Variants in RFX3 observed in about 807,000 individuals in gnomAD.
RFX3 encodes regulatory factor X3, also known as transcription factor RFX3.
Under a neutral mutation model 98.6 loss-of-function variants are expected in RFX3, and 14 were observed. That is an observed-to-expected ratio of 0.14 (90% CI 0.09 to 0.22). The LOEUF (loss-of-function observed/expected upper bound fraction) is 0.22. Among genes scored for constraint, RFX3 ranks in the 10% least tolerant of loss-of-function variants. The pLI is 1.00. For synonymous variants in RFX3, 383 were observed against 328.4 expected, an observed-to-expected ratio of 1.17 and a Z score of -1.80; for missense variants, 639 against 926.9, an observed-to-expected ratio of 0.69 and a Z score of 4.03.
chr9:3,502,215 C>G (rs1037550137), intron 1 of RFX3, among the ~76,000 whole-genome samples: 1 of 151,148 alleles, frequency 6.6e-6, no homozygotes, highest in Non-Finnish European at 1.5e-5. Flanking sequence ...GCCCACATCA[C>G]GCACTGCACT....
At chr9:3,237,666 T>A (rs767126548) in intron 15 of RFX3, among the ~76,000 whole-genome samples, 2 of 152,180 alleles carry the variant, frequency 1.3e-5, no homozygotes, top group Non-Finnish European at 2.9e-5. Flanking sequence ...CCTAAATTAA[T>A]CTTCACAAAA....
intron 1 of RFX3, among the ~76,000 whole-genome samples, chr9:3,504,914 A>C (rs1456148969): frequency 5.8e-5 from 4 of 68,930 alleles, no homozygotes; most frequent in African/African-American, 3.2e-4. Flanking sequence ...ATATATATAT[A>C]ATATAACATA....
At chr9:3,329,676 AG>A in intron 4 of RFX3, among the ~76,000 whole-genome samples, 1 of 152,286 alleles carries the variant, frequency 6.6e-6, no homozygotes, top group African/African-American at 2.4e-5. Context: ...AATATGTATT[AG>A]GAAAAAATTA....
intron 4 of RFX3, 125 bp from the exon 5 acceptor site, chr9:3,301,745 C>T: frequency 1.7e-6 from 1 of 586,886 alleles, no homozygotes; most frequent in Non-Finnish European, 3.0e-6. Flanking sequence ...GAACAGTTGC[C>T]ACTTAATGTG....
At chr9:3,425,650 T>C (rs1193052770) in intron 1 of RFX3, among the ~76,000 whole-genome samples, 4 of 152,224 alleles carry the variant, frequency 2.6e-5, no homozygotes, top group African/African-American at 7.2e-5. Context: ...GCTTGGGGTT[T>C]ACTGAACTTA....
chr9:3,294,423 T>C (rs1442020504), intron 5 of RFX3, among the ~76,000 whole-genome samples: 1 of 152,122 alleles, frequency 6.6e-6, no homozygotes, highest in Non-Finnish European at 1.5e-5. Context: ...GCACCAACCA[T>C]GAGCCAAGTA....
intron 2 of RFX3, among the ~76,000 whole-genome samples, chr9:3,369,995 ATTTTTTTTTTTT>A (rs71324244): frequency 7.5e-6 from 1 of 132,642 alleles, no homozygotes; most frequent in Non-Finnish European, 1.6e-5. Context: ...CGCCCGGCTA[ATTTTTTTTTTTT>A]TTTTTTTGTA....
intron 1 of RFX3, among the ~76,000 whole-genome samples, chr9:3,512,719 A>C (rs1176035345): frequency 1.3e-5 from 2 of 152,114 alleles, no homozygotes; most frequent in African/African-American, 4.8e-5. Context: ...AAAGAGGCTA[A>C]GTACAATCTT....
intron 13 of RFX3, among the ~76,000 whole-genome samples, chr9:3,258,212 T>C (rs981613966): frequency 6.6e-6 from 1 of 152,162 alleles, no homozygotes; most frequent in African/African-American, 2.4e-5. Context: ...GCTGGGTTCA[T>C]TGTGTCCAGA....
At chr9:3,330,216 C>A in intron 4 of RFX3, 43 bp downstream of exon 4, 3 of 1,600,462 alleles carry the variant, frequency 1.9e-6, no homozygotes, top group South Asian at 2.2e-5. Context: ...TCATTAGAGA[C>A]TATTAAAAGC....
In RFX3 at chr9:3,316,311, G is replaced by A. The variant is rs548339338; in HGVS notation, c.474+13948C>T. Among the ~76,000 whole-genome samples, 4 of 152,218 alleles carry A rather than the reference G, an allele frequency of 2.6e-5. No individual in the cohort carries two copies. The East Asian group carries it at 7.7e-4, about 29-fold the overall frequency. ...CTCAATAGATGCAGAAAACGCCTTT[G>A]ACAAAATTCAATGGCCCTTCATGCT... On this transcript the variant is annotated intron_variant, in intron 4 of 16. Transcript: ENST00000617270.
At chr9:3,289,281 T>A (rs1187225262) in intron 6 of RFX3, among the ~76,000 whole-genome samples, 1 of 152,052 alleles carries the variant, frequency 6.6e-6, no homozygotes, top group Non-Finnish European at 1.5e-5. Context: ...TTATATATAT[T>A]TGAAGACATT....
chr9:3,412,203 C>A (rs1842518970), intron 1 of RFX3, among the ~76,000 whole-genome samples: 2 of 152,114 alleles, frequency 1.3e-5, no homozygotes, highest in African/African-American at 4.8e-5. Context: ...TAAAGGTCAA[C>A]ACTAATCATG....
intron 1 of RFX3, among the ~76,000 whole-genome samples, chr9:3,410,702 C>G (rs1428857628): frequency 6.6e-6 from 1 of 152,226 alleles, no homozygotes; most frequent in Non-Finnish European, 1.5e-5. Context: ...GGCAGGTTTA[C>G]AAGCTTTCCA....
At chr9:3,446,727 A>G (rs1846088129) in intron 1 of RFX3, among the ~76,000 whole-genome samples, 1 of 152,136 alleles carries the variant, frequency 6.6e-6, no homozygotes, top group Non-Finnish European at 1.5e-5. Flanking sequence ...GTTTCCTAAA[A>G]TCAATCTTAA....
chr9:3,238,788 C>T (rs1586690399), intron 15 of RFX3, among the ~76,000 whole-genome samples: 1 of 152,022 alleles, frequency 6.6e-6, no homozygotes, highest in Admixed American at 6.6e-5. Flanking sequence ...GGGAGTTTGA[C>T]ACCAGCCTGA....
chr9:3,442,587 A>T (rs2132708048), intron 1 of RFX3, among the ~76,000 whole-genome samples: 1 of 152,322 alleles, frequency 6.6e-6, no homozygotes, highest in African/African-American at 2.4e-5. Flanking sequence ...AAGTATAGCC[A>T]ATAGTAATAT....
At chr9:3,326,729 C>G (rs1365506788) in intron 4 of RFX3, among the ~76,000 whole-genome samples, 8 of 152,122 alleles carry the variant, frequency 5.3e-5, no homozygotes, top group Non-Finnish European at 1.0e-4. Context: ...TTTATCCAGT[C>G]TATCACTGGC....
rs1255799086 is a variant in RFX3 at position 3,219,459 on chromosome 9, A to AC, written c.*5582_*5583insG. On this transcript the variant is annotated 3_prime_UTR_variant, in exon 17 of 17. Coordinates refer to ENST00000617270, the MANE Select transcript of RFX3 (RefSeq NM_001282116.2). ...AACATCATAATTTATTTAAAAAAAA[A>AC]AAACAAAGGAAAGAGGGGAGAAAAA... 1 of 151,848 alleles carries AC rather than the reference A, an allele frequency of 6.6e-6. No homozygotes were observed. The highest frequency in any genetic ancestry group is 2.4e-5 in the African/African-American group (1 of 41,398). The allele number at this position is 151,848 out of a possible 1,614,324, so 9.4% of individuals were successfully genotyped here.
Sources: gnomAD v4.1 joint callset for allele counts (sites outside exome capture counted in the v4.1 genomes callset) on GRCh38, gnomAD v4.1.1 for gene constraint, MANE v1.5 for transcripts, NCBI Gene and HGNC (gene_info 2026-07-23, HGNC 2026-07-21) for gene names.